MDGA2: variants seen among roughly 807,000 people sequenced by gnomAD.
MDGA2 encodes the protein MAM domain containing glycosylphosphatidylinositol anchor 2.
Under a neutral mutation model 117.8 loss-of-function variants are expected in MDGA2, and 40 were observed. The observed-to-expected ratio is 0.34, with a 90% CI of 0.26 to 0.44. The LOEUF (loss-of-function observed/expected upper bound fraction) is 0.44, where lower values mean the gene tolerates loss of function less well. Among genes scored for constraint, MDGA2 ranks in the 20% least tolerant of loss-of-function variants. MDGA2 has a pLI of 1.00. For synonymous variants in MDGA2, 452 were observed against 439.0 expected (o/e 1.03, Z -0.37); for missense variants, 1,123 against 1,250.6 (o/e 0.90, Z 1.54).
intron 1 of MDGA2, among the ~76,000 whole-genome samples, chr14:47,413,515 T>C (rs536499024): frequency 7.2e-5 from 11 of 152,314 alleles, no homozygotes; most frequent in African/African-American, 2.6e-4. Context: ...ATTTCAAATC[T>C]TGTTTTGCTA....
intron 1 of MDGA2, among the ~76,000 whole-genome samples, chr14:47,367,319 C>T (rs1370707373): frequency 6.6e-6 from 1 of 151,978 alleles, no homozygotes; most frequent in East Asian, 1.9e-4. Flanking sequence ...GATTGCTATC[C>T]CTAAAAATAT....
chr14:46,930,988 G>A (rs955740168), intron 9 of MDGA2, among the ~76,000 whole-genome samples: 7 of 151,926 alleles, frequency 4.6e-5, no homozygotes, highest in South Asian at 2.1e-4. Context: ...AGGCCGAGGC[G>A]GGCGGATCAC....
chr14:47,251,564 A>G (rs1887448085), intron 2 of MDGA2, among the ~76,000 whole-genome samples: 1 of 152,178 alleles, frequency 6.6e-6, no homozygotes, highest in South Asian at 2.1e-4. Flanking sequence ...TATATGGGAG[A>G]TGAATAAACC....
rs1566515916 is a variant in MDGA2, at chr14:47,561,154, TTTTG to T, written c.280+113359_280+113362del. Among the ~76,000 whole-genome samples the T allele has an allele frequency of 3.8e-4, 15 of 39,266 alleles. 2 individuals are homozygous for T. The highest frequency in any genetic ancestry group is 1.1e-3 in the South Asian group (1 of 944). 25.8% of individuals were successfully genotyped at this position (39,266 alleles called of 152,430 possible). Reference sequence around the variant, plus strand: ...ACCTCTATCTTTGTTTTTTTTTTTGTTTTGTTTTGTTTTTTTGTTTGTTTGTTTT... The same window carrying T: ...ACCTCTATCTTTGTTTTTTTTTTTGTTTTTGTTTTTTTGTTTGTTTGTTTT... On this transcript the variant is annotated intron_variant, in intron 1 of 16. Coordinates refer to ENST00000399232, the MANE Select transcript of MDGA2 (RefSeq NM_001113498.3).
At chr14:47,271,546 C>T (rs1282705015) in intron 2 of MDGA2, among the ~76,000 whole-genome samples, 3 of 152,050 alleles carry the variant, frequency 2.0e-5, no homozygotes, top group African/African-American at 7.2e-5. Flanking sequence ...GCTGGGAGTG[C>T]TCATTGCCCT....
At chr14:47,498,147 A>G (rs1894321312) in intron 1 of MDGA2, among the ~76,000 whole-genome samples, 1 of 152,204 alleles carries the variant, frequency 6.6e-6, no homozygotes, top group African/African-American at 2.4e-5. Flanking sequence ...CAAACAGCAG[A>G]AGGAGCAGAG....
At chr14:47,318,213 G>A (rs549209181) in intron 1 of MDGA2, among the ~76,000 whole-genome samples, 4 of 148,696 alleles carry the variant, frequency 2.7e-5, no homozygotes, top group African/African-American at 9.8e-5. Flanking sequence ...ATCTTCAATG[G>A]TTTTCTAACA....
At chr14:46,988,508 T>G (rs1886952362) in intron 8 of MDGA2, among the ~76,000 whole-genome samples, 1 of 152,062 alleles carries the variant, frequency 6.6e-6, no homozygotes, top group Non-Finnish European at 1.5e-5. Flanking sequence ...CAGCTGTGTT[T>G]CAGTTTTCAG....
At chr14:46,952,795 T>A (rs1042746614) in intron 9 of MDGA2, among the ~76,000 whole-genome samples, 2 of 151,886 alleles carry the variant, frequency 1.3e-5, no homozygotes, top group Admixed American at 6.6e-5. Context: ...ATAGTCAAAT[T>A]TGAATTGAAT....
At chr14:46,928,556 A>G (rs1006507363) in intron 9 of MDGA2, among the ~76,000 whole-genome samples, 1 of 75,462 alleles carries the variant, frequency 1.3e-5, no homozygotes, top group Non-Finnish European at 2.8e-5. Flanking sequence ...TGAATAAATC[A>G]ATCAATGAAC....
chr14:47,531,300 T>C (rs1157564039), intron 1 of MDGA2, among the ~76,000 whole-genome samples: 1 of 152,120 alleles, frequency 6.6e-6, no homozygotes, highest in Non-Finnish European at 1.5e-5. Flanking sequence ...CAGTAGAGGA[T>C]ATAATTCTTT....
At chr14:47,110,293 C>T (rs563095507) in intron 5 of MDGA2, among the ~76,000 whole-genome samples, 1 of 152,188 alleles carries the variant, frequency 6.6e-6, no homozygotes, top group African/African-American at 2.4e-5. Context: ...AAAATAAAGG[C>T]TACGTGGCTT....
At chr14:47,024,640 GA>G (rs1026259400) in intron 8 of MDGA2, among the ~76,000 whole-genome samples, 1 of 151,974 alleles carries the variant, frequency 6.6e-6, no homozygotes, top group African/African-American at 2.4e-5. Context: ...CATTGAATGA[GA>G]AACAATATCA....
intron 2 of MDGA2, among the ~76,000 whole-genome samples, chr14:47,249,089 C>T (rs973702170): frequency 2.0e-5 from 3 of 151,504 alleles, no homozygotes; most frequent in South Asian, 4.2e-4. Context: ...GCGATCTCGG[C>T]TCACTGCAAC....
chr14:46,957,341 A>C (rs768291758), intron 9 of MDGA2, 33 bp downstream of exon 9: 5 of 1,594,842 alleles, frequency 3.1e-6, no homozygotes, highest in Non-Finnish European at 3.4e-6. Flanking sequence ...TAATAAAACA[A>C]AATGTATAAA....
At chr14:47,188,125 A>G (rs190826863) in intron 3 of MDGA2, among the ~76,000 whole-genome samples, 3 of 152,268 alleles carry the variant, frequency 2.0e-5, no homozygotes, top group East Asian at 3.9e-4. Context: ...GCATGTCACT[A>G]TTTGTGAAAA....
At chr14:47,131,617 C>A (rs1441767577) in intron 5 of MDGA2, 97 bp downstream of exon 5, 8 of 965,134 alleles carry the variant, frequency 8.3e-6, no homozygotes. Context: ...TTCCTACATA[C>A]ACCGTAGAAA....
chr14:47,343,024 G>C (rs1432350332), intron 1 of MDGA2: 1 of 1,264,638 alleles, frequency 7.9e-7, no homozygotes, highest in East Asian at 5.6e-5. Context: ...CCACAGAGTG[G>C]GAGAAGCAGG....
intron 1 of MDGA2, among the ~76,000 whole-genome samples, chr14:47,454,174 G>A (rs79913387): frequency 0.32 from 48,608 of 151,746 alleles, 8,226 homozygotes; most frequent in East Asian, 0.58. Context: ...TGATCCAAGT[G>A]ATTGATTGAC....
Sources: allele counts gnomAD v4.1 joint callset (sites outside exome capture counted in the v4.1 genomes callset), GRCh38; gene constraint gnomAD v4.1.1; transcripts MANE v1.5; gene names NCBI Gene and HGNC (gene_info 2026-07-23, HGNC 2026-07-21).